ITFG1: variants seen among roughly 807,000 people sequenced by gnomAD.
The protein encoded by ITFG1 is integrin alpha FG-GAP repeat containing 1.
In ITFG1, 34 loss-of-function variants were observed where a neutral mutation model predicts 81.8. The ratio of observed to expected loss-of-function variants is 0.42; its 90% confidence interval spans 0.32 to 0.55. ITFG1 has a LOEUF of 0.55. ITFG1 is among the 20% of genes least tolerant of loss of function. ITFG1 has a pLI of 0.17. For missense variants in ITFG1, 672 were observed against 755.4 expected (o/e 0.89, Z 1.29); for synonymous variants, 285 against 270.6 (o/e 1.05, Z -0.52).
intron 10 of ITFG1, among the ~76,000 whole-genome samples, chr16:47,265,846 T>C (rs1966269232): frequency 6.6e-6 from 1 of 152,104 alleles, no homozygotes; most frequent in Non-Finnish European, 1.5e-5. Context: ...CTCAACTATA[T>C]ATTGCCTCCA....
intron 17 of ITFG1, among the ~76,000 whole-genome samples, chr16:47,156,590 A>G (rs948826286): frequency 6.6e-6 from 1 of 152,242 alleles, no homozygotes; most frequent in African/African-American, 2.4e-5. Context: ...AACATATTGT[A>G]TAACTGTAGT....
intron 5 of ITFG1, among the ~76,000 whole-genome samples, chr16:47,438,195 T>A (rs1023049059): frequency 9.9e-5 from 15 of 152,208 alleles, no homozygotes; most frequent in Non-Finnish European, 1.9e-4. Flanking sequence ...AAGCTCAAAC[T>A]GGGTGGAGGC....
At chr16:47,430,712 T>C (rs1969084732) in intron 5 of ITFG1, among the ~76,000 whole-genome samples, 2 of 152,214 alleles carry the variant, frequency 1.3e-5, no homozygotes, top group East Asian at 1.9e-4. Flanking sequence ...ATACAAAATT[T>C]AACTCAGAAT....
chr16:47,355,988 C>T (rs998114865), intron 8 of ITFG1, among the ~76,000 whole-genome samples: 1 of 152,062 alleles, frequency 6.6e-6, no homozygotes, highest in Non-Finnish European at 1.5e-5. Flanking sequence ...CTGTTGGTGA[C>T]CATTACTGAA....
At chr16:47,364,072 A>T (rs1968144463) in intron 8 of ITFG1, among the ~76,000 whole-genome samples, 1 of 152,216 alleles carries the variant, frequency 6.6e-6, no homozygotes, top group Non-Finnish European at 1.5e-5. Flanking sequence ...TACACTTTTC[A>T]CAGGAAAAAT....
chr16:47,371,679 A>T (rs1968255481), intron 7 of ITFG1, among the ~76,000 whole-genome samples: 1 of 152,172 alleles, frequency 6.6e-6, no homozygotes, highest in Admixed American at 6.5e-5. Flanking sequence ...TTCTCAACTG[A>T]GGGAATTTTA....
chr16:47,191,680 T>G (rs1596798101), intron 14 of ITFG1, among the ~76,000 whole-genome samples: 1 of 152,120 alleles, frequency 6.6e-6, no homozygotes, highest in Admixed American at 6.5e-5. Context: ...AGCTAATTTT[T>G]TTGTGTTTTT....
chr16:47,382,328 T>C (rs546972200), intron 6 of ITFG1, among the ~76,000 whole-genome samples: 2 of 152,340 alleles, frequency 1.3e-5, no homozygotes, highest in South Asian at 2.1e-4. Flanking sequence ...TTTAGTAAGA[T>C]GATATCAGAA....
chr16:47,436,251 G>A (rs764039571), intron 5 of ITFG1, among the ~76,000 whole-genome samples: 24 of 152,032 alleles, frequency 1.6e-4, no homozygotes, highest in African/African-American at 4.6e-4. Flanking sequence ...AAACCTGCAC[G>A]TTGTGCACAT....
intron 10 of ITFG1, among the ~76,000 whole-genome samples, chr16:47,307,330 A>C (rs1298864776): frequency 6.6e-6 from 1 of 152,086 alleles, no homozygotes; most frequent in African/African-American, 2.4e-5. Context: ...TATATCTTTT[A>C]ATATATCTCC....
chr16:47,232,515 G>A (rs1965826149), intron 13 of ITFG1, among the ~76,000 whole-genome samples: 1 of 152,096 alleles, frequency 6.6e-6, no homozygotes, highest in Non-Finnish European at 1.5e-5. Context: ...TGATGGATTA[G>A]CCTTAAAATA....
At chr16:47,328,549 G>A (rs955152769) in intron 8 of ITFG1, among the ~76,000 whole-genome samples, 2 of 151,964 alleles carry the variant, frequency 1.3e-5, no homozygotes, top group Non-Finnish European at 2.9e-5. Flanking sequence ...AGGAAATTTA[G>A]ACACATTTCT....
chr16:47,158,806 T>A, intron 17 of ITFG1, 67 bp downstream of exon 17: 2 of 734,288 alleles, frequency 2.7e-6, no homozygotes, highest in Non-Finnish European at 4.6e-6. Flanking sequence ...ATAGTGTTTT[T>A]AAAGAGCAAT....
chr16:47,296,245 C>CTT (rs1037107232), intron 10 of ITFG1, among the ~76,000 whole-genome samples: 1 of 145,934 alleles, frequency 6.9e-6, no homozygotes, highest in East Asian at 2.0e-4. Flanking sequence ...CCCTTTTTTT[C>CTT]TTTTTTTTTT....
chr16:47,204,150 C>G (rs1196001803), intron 14 of ITFG1, among the ~76,000 whole-genome samples: 2 of 152,126 alleles, frequency 1.3e-5, no homozygotes, highest in Non-Finnish European at 2.9e-5. Context: ...GTAATTTTGT[C>G]CAATACATAT....
rs1965184115 is a variant in ITFG1, at chr16:47,184,597, C to A, written c.1454-21933G>T. On this transcript the variant is annotated intron_variant, in intron 14 of 17. Coordinates refer to ENST00000320640, the MANE Select transcript of ITFG1 (RefSeq NM_030790.5). ...AAATGCTGAGAGATTTTGTCACCACCAGGCCTGCCCTAAAAGAGCTCCTGA... is the reference window on the plus strand; with the variant it reads ...AAATGCTGAGAGATTTTGTCACCACAAGGCCTGCCCTAAAAGAGCTCCTGA... Among the ~76,000 whole-genome samples, 2 of 151,830 alleles carry A rather than the reference C, an allele frequency of 1.3e-5. 1 individual carries two copies. The highest frequency in any genetic ancestry group is 4.2e-4 in the South Asian group (2 of 4,798).
chr16:47,338,301 G>A (rs1011258901), intron 8 of ITFG1, among the ~76,000 whole-genome samples: 7 of 152,060 alleles, frequency 4.6e-5, no homozygotes, highest in Admixed American at 3.9e-4. Flanking sequence ...ATCCCTACTC[G>A]GGAGGCTGAG....
intron 10 of ITFG1, among the ~76,000 whole-genome samples, chr16:47,280,694 G>T (rs1277115013): frequency 6.6e-6 from 1 of 152,094 alleles, no homozygotes; most frequent in African/African-American, 2.4e-5. Flanking sequence ...TCAGGATGAG[G>T]CCTTTCACCA....
intron 5 of ITFG1, among the ~76,000 whole-genome samples, chr16:47,429,917 C>T (rs1969072170): frequency 1.3e-5 from 2 of 151,912 alleles, no homozygotes; most frequent in African/African-American, 4.8e-5. Context: ...CTTCCTTGGC[C>T]TCTCAAAGGG....
Sources: gnomAD v4.1 joint callset for allele counts (sites outside exome capture counted in the v4.1 genomes callset) on GRCh38, gnomAD v4.1.1 for gene constraint, MANE v1.5 for transcripts, NCBI Gene and HGNC (gene_info 2026-07-23, HGNC 2026-07-21) for gene names.